Variants in PTPRM observed in about 807,000 individuals in gnomAD.
PTPRM encodes the protein receptor-type tyrosine-protein phosphatase mu.
A neutral mutation model predicts 186.7 loss-of-function variants in PTPRM; 47 were observed. The observed-to-expected ratio is 0.25, with a 90% CI of 0.20 to 0.32. PTPRM has a LOEUF of 0.32. PTPRM is among the 10% of genes least tolerant of loss of function. The probability of loss-of-function intolerance (pLI) is 1.00; values close to 1 mark genes in which losing one functional copy is unlikely to be tolerated. For synonymous variants in PTPRM, 668 were observed against 674.9 expected (o/e 0.99, Z 0.16); for missense variants, 1,494 against 1,865.0 (o/e 0.80, Z 3.66).
intron 1 of PTPRM, among the ~76,000 whole-genome samples, chr18:7,687,750 G>T (rs1351048271): frequency 6.6e-6 from 1 of 150,994 alleles, no homozygotes; most frequent in Non-Finnish European, 1.5e-5. Flanking sequence ...TTCTATGTTT[G>T]CATGGAGCAT....
At position 7,848,039 on chromosome 18, in the gene PTPRM, C is replaced by T. The variant is rs143020068; in HGVS notation, c.197-40067C>T. ...CTATCAAACTTAATGAGTCTGAATT[C>T]GCACCCAAATGTATTTACATTTCAA... On this transcript the variant is annotated intron_variant, in intron 2 of 32. Coordinates refer to ENST00000580170, the MANE Select transcript of PTPRM (RefSeq NM_001105244.2). Among the ~76,000 whole-genome samples, 193 of 152,252 alleles carry T rather than the reference C, an allele frequency of 1.3e-3. 1 individual carries two copies. The highest frequency in any genetic ancestry group is 4.0e-3 in the African/African-American group (166 of 41,544).
intron 2 of PTPRM, among the ~76,000 whole-genome samples, chr18:7,880,025 C>T (rs545544166): frequency 1.3e-5 from 2 of 152,058 alleles, no homozygotes; most frequent in African/African-American, 2.4e-5. Context: ...GAGAGAAGTG[C>T]CAAGCAGAGG....
chr18:7,619,679 T>A (rs1179134214), intron 1 of PTPRM, among the ~76,000 whole-genome samples: 1 of 152,138 alleles, frequency 6.6e-6, no homozygotes, highest in Non-Finnish European at 1.5e-5. Flanking sequence ...AGTAAAGACG[T>A]CCCGAATGTG....
chr18:7,822,644 T>C (rs2045260469), intron 2 of PTPRM, among the ~76,000 whole-genome samples: 1 of 152,188 alleles, frequency 6.6e-6, no homozygotes, highest in African/African-American at 2.4e-5. Flanking sequence ...AGCCAAGCAT[T>C]CTCAAGTTGC....
chr18:7,999,509 C>T (rs2083744589), intron 7 of PTPRM, among the ~76,000 whole-genome samples: 1 of 151,920 alleles, frequency 6.6e-6, no homozygotes, highest in Admixed American at 6.6e-5. Flanking sequence ...AGGTACAATC[C>T]TTCTCTGAGC....
At chr18:8,088,531 T>G (rs2090548178) in intron 10 of PTPRM, among the ~76,000 whole-genome samples, 2 of 152,110 alleles carry the variant, frequency 1.3e-5, no homozygotes, top group African/African-American at 4.8e-5. Context: ...TCTCCCAACT[T>G]CAACTCAAGA....
intron 2 of PTPRM, chr18:7,814,722 A>G (rs1453918685): frequency 1.3e-5 from 2 of 152,240 alleles, no homozygotes; most frequent in Non-Finnish European, 2.9e-5. Context: ...GAAAGTTAGC[A>G]GTTCCTGGAT....
chr18:8,041,608 C>T (rs905539078), intron 7 of PTPRM, among the ~76,000 whole-genome samples: 1 of 152,158 alleles, frequency 6.6e-6, no homozygotes, highest in Non-Finnish European at 1.5e-5. Flanking sequence ...GCTGGCCATA[C>T]TATGATTAAG....
chr18:8,146,273 G>C (rs2092883716), intron 14 of PTPRM, among the ~76,000 whole-genome samples: 1 of 151,910 alleles, frequency 6.6e-6, no homozygotes, highest in Non-Finnish European at 1.5e-5. Flanking sequence ...CCGCCTGCTT[G>C]GCCTCCCAAA....
intron 19 of PTPRM, among the ~76,000 whole-genome samples, chr18:8,290,571 T>C (rs929586364): frequency 6.6e-6 from 1 of 152,094 alleles, no homozygotes; most frequent in Non-Finnish European, 1.5e-5. Context: ...ATGTTTCCTA[T>C]TCAGAAAAAA....
At chr18:8,182,079 G>A (rs2093583684) in intron 14 of PTPRM, among the ~76,000 whole-genome samples, 1 of 152,096 alleles carries the variant, frequency 6.6e-6, no homozygotes, top group East Asian at 1.9e-4. Context: ...TACCATGAAA[G>A]GAAACTCCCT....
At chr18:7,977,340 C>T (rs1365843465) in intron 7 of PTPRM, among the ~76,000 whole-genome samples, 3 of 152,112 alleles carry the variant, frequency 2.0e-5, no homozygotes, top group East Asian at 1.9e-4. Flanking sequence ...CTGCCTTCCT[C>T]GGCCTCCCAA....
At chr18:7,613,422 C>T (rs1233582264) in intron 1 of PTPRM, among the ~76,000 whole-genome samples, 2 of 152,114 alleles carry the variant, frequency 1.3e-5, no homozygotes, top group East Asian at 3.9e-4. Flanking sequence ...CGCCTGTAAT[C>T]CCAGCAGTTT....
At chr18:7,590,875 A>G (rs972050444) in intron 1 of PTPRM, among the ~76,000 whole-genome samples, 1 of 152,240 alleles carries the variant, frequency 6.6e-6, no homozygotes, top group African/African-American at 2.4e-5. Context: ...TTCTGGATCT[A>G]CCAGGCTTTC....
chr18:8,384,383 AG>A (rs1442832738), intron 29 of PTPRM, among the ~76,000 whole-genome samples, 177 bp from the exon 30 acceptor site: 1 of 152,164 alleles, frequency 6.6e-6, no homozygotes, highest in Non-Finnish European at 1.5e-5. Flanking sequence ...GCTTGAGCCC[AG>A]GAGCTCAAGG....
intron 10 of PTPRM, among the ~76,000 whole-genome samples, chr18:8,086,959 T>C (rs2090465204): frequency 1.3e-5 from 2 of 152,180 alleles, no homozygotes; most frequent in South Asian, 4.1e-4. Flanking sequence ...AGAAAATAAG[T>C]CTTTGGGAAG....
At chr18:8,233,335 G>A (rs1400124422) in intron 14 of PTPRM, among the ~76,000 whole-genome samples, 1 of 152,206 alleles carries the variant, frequency 6.6e-6, no homozygotes, top group African/African-American at 2.4e-5. Context: ...AGTTGGTGAT[G>A]TCAGTGTTTT....
At position 8,368,375 on chromosome 18, in the gene PTPRM, G is replaced by A. The variant is rs114456073; in HGVS notation, c.3055-2515G>A. Reference sequence around the variant, plus strand: ...GTCTCTCTTACTCTGGGATATTTTTGATAGAGCAAAGGTATCCATGATGTA... The same window carrying A: ...GTCTCTCTTACTCTGGGATATTTTTAATAGAGCAAAGGTATCCATGATGTA... On this transcript the variant is annotated intron_variant, in intron 23 of 32. Coordinates refer to ENST00000580170, the MANE Select transcript of PTPRM (RefSeq NM_001105244.2). Among the ~76,000 whole-genome samples, 972 of 151,986 alleles carry A rather than the reference G, an allele frequency of 6.4e-3. 11 individuals are homozygous for A. Among genetic ancestry groups the A allele is most frequent in the African/African-American group, 0.022 (926 of 41,458 alleles).
intron 1 of PTPRM, among the ~76,000 whole-genome samples, chr18:7,672,503 CAAA>C (rs200314344): frequency 0.034 from 5,217 of 152,152 alleles, 139 homozygotes; most frequent in Non-Finnish European, 0.049. Flanking sequence ...GAATGAGAAA[CAAA>C]GAAGAAGATG....
Sources: gnomAD v4.1 joint callset for allele counts (sites outside exome capture counted in the v4.1 genomes callset) on GRCh38, gnomAD v4.1.1 for gene constraint, MANE v1.5 for transcripts, NCBI Gene and HGNC (gene_info 2026-07-23, HGNC 2026-07-21) for gene names.